Variants in CPPED1 observed in about 807,000 individuals in gnomAD.
CPPED1 encodes serine/threonine-protein phosphatase CPPED1.
CPPED1 carries 28 observed loss-of-function variants against 28.0 expected under a neutral mutation model. That is an observed-to-expected ratio of 1.00 (90% confidence interval 0.74 to 1.37). The LOEUF (loss-of-function observed/expected upper bound fraction) is 1.37. Ranked by LOEUF, CPPED1 falls within the 40% of genes most tolerant of loss-of-function variation. CPPED1 has a pLI of 0.00. For missense variants in CPPED1, 504 were observed against 416.5 expected (o/e 1.21, Z -1.83); for synonymous variants, 198 against 180.2 (o/e 1.10, Z -0.79).
chr16:12,780,596 G>A (rs530120219), intron 2 of CPPED1, among the ~76,000 whole-genome samples: 2 of 152,158 alleles, frequency 1.3e-5, no homozygotes, highest in South Asian at 4.2e-4. Context: ...ACGTAAATGA[G>A]GTCAACCCAG....
chr16:12,786,108 A>ACAG (rs1188049910), intron 1 of CPPED1, among the ~76,000 whole-genome samples: 5 of 152,216 alleles, frequency 3.3e-5, no homozygotes, highest in African/African-American at 1.2e-4. Flanking sequence ...GGGTTACCTG[A>ACAG]CAGCAGAAAG....
At chr16:12,742,229 A>G (rs2080259948) in intron 2 of CPPED1, among the ~76,000 whole-genome samples, 2 of 152,208 alleles carry the variant, frequency 1.3e-5, no homozygotes, top group African/African-American at 2.4e-5. Flanking sequence ...CACATAACCA[A>G]TAATAAGCTA....
intron 3 of CPPED1, among the ~76,000 whole-genome samples, chr16:12,669,445 A>G (rs2141165677): frequency 6.6e-6 from 1 of 152,274 alleles, no homozygotes; most frequent in South Asian, 2.1e-4. Flanking sequence ...AAAACGACTA[A>G]ATTTGATACT....
At chr16:12,755,715 C>T (rs572688603) in intron 2 of CPPED1, among the ~76,000 whole-genome samples, 3 of 152,322 alleles carry the variant, frequency 2.0e-5, no homozygotes, top group African/African-American at 7.2e-5. Context: ...AGGAAAACAG[C>T]TAGACACATT....
chr16:12,704,562 T>C, intron 3 of CPPED1, 62 bp downstream of exon 3: 15 of 1,496,620 alleles, frequency 1.0e-5, no homozygotes, highest in Non-Finnish European at 1.4e-5. Flanking sequence ...GGGAGAAAGA[T>C]CTGGAAATGC....
chr16:12,803,644 G>GT, intron 1 of CPPED1, 63 bp downstream of exon 1: 2 of 1,343,618 alleles, frequency 1.5e-6, no homozygotes, highest in South Asian at 3.2e-5. Context: ...TGAACAAAAG[G>GT]TTCCCCCGGC....
At chr16:12,675,535 GT>G (rs758244104) in intron 3 of CPPED1, among the ~76,000 whole-genome samples, 1 of 152,194 alleles carries the variant, frequency 6.6e-6, no homozygotes, top group Non-Finnish European at 1.5e-5. Context: ...ACTGTATAAT[GT>G]AATATTCTAA....
intron 3 of CPPED1, among the ~76,000 whole-genome samples, chr16:12,695,001 C>T (rs1162393554): frequency 1.3e-5 from 2 of 152,126 alleles, no homozygotes; most frequent in Non-Finnish European, 2.9e-5. Context: ...TGGTCTTGAA[C>T]TCCTGACCTC....
chr16:12,684,597 C>T (rs766547059), intron 3 of CPPED1, among the ~76,000 whole-genome samples: 5 of 152,312 alleles, frequency 3.3e-5, no homozygotes, highest in Non-Finnish European at 2.9e-5. Context: ...CCTGCTCATT[C>T]GTTTCCTCCA....
At chr16:12,699,978 CA>C (rs1414751237) in intron 3 of CPPED1, among the ~76,000 whole-genome samples, 1 of 152,190 alleles carries the variant, frequency 6.6e-6, no homozygotes, top group African/African-American at 2.4e-5. Flanking sequence ...TGGATGCGTA[CA>C]GCCAAGAGCG....
intron 2 of CPPED1, among the ~76,000 whole-genome samples, chr16:12,746,616 C>CT (rs144906316): frequency 1.3e-5 from 2 of 151,184 alleles, no homozygotes; most frequent in East Asian, 1.9e-4. Context: ...ACACAGAATC[C>CT]TTTTTTTTTC....
At chr16:12,718,378 A>C (rs996578707) in intron 2 of CPPED1, among the ~76,000 whole-genome samples, 2 of 151,946 alleles carry the variant, frequency 1.3e-5, no homozygotes, top group East Asian at 1.9e-4. Context: ...GTCTCTATTA[A>C]AAATACAAAA....
At chr16:12,718,870 G>C (rs2080122226) in intron 2 of CPPED1, among the ~76,000 whole-genome samples, 1 of 152,190 alleles carries the variant, frequency 6.6e-6, no homozygotes, top group Admixed American at 6.5e-5. Context: ...GGCTGAGGCA[G>C]GAGAATCATT....
At chr16:12,700,721 T>C (rs1157348506) in intron 3 of CPPED1, among the ~76,000 whole-genome samples, 1 of 152,162 alleles carries the variant, frequency 6.6e-6, no homozygotes, top group African/African-American at 2.4e-5. Flanking sequence ...ATTCCACAAA[T>C]ACTGATAAAA....
intron 2 of CPPED1, among the ~76,000 whole-genome samples, chr16:12,732,664 A>G (rs1241035954): frequency 1.3e-5 from 2 of 152,314 alleles, no homozygotes; most frequent in Non-Finnish European, 2.9e-5. Flanking sequence ...GTTTCATATA[A>G]AAGATCAACA....
At chr16:12,676,957 A>G (rs533565473) in intron 3 of CPPED1, among the ~76,000 whole-genome samples, 1 of 152,290 alleles carries the variant, frequency 6.6e-6, no homozygotes, top group South Asian at 2.1e-4. Flanking sequence ...TTGAAGCAGG[A>G]TCTGAACCCA....
intron 2 of CPPED1, among the ~76,000 whole-genome samples, chr16:12,712,760 G>A (rs1202066264): frequency 6.6e-6 from 1 of 152,098 alleles, no homozygotes; most frequent in African/African-American, 2.4e-5. Context: ...ATAAATCTAC[G>A]AGTTGGTATA....
intron 2 of CPPED1, among the ~76,000 whole-genome samples, chr16:12,713,365 T>A (rs1002272712): frequency 6.6e-6 from 1 of 152,140 alleles, no homozygotes; most frequent in East Asian, 1.9e-4. Context: ...TTTCTTCTTT[T>A]TTATTTTTTA....
intron 2 of CPPED1, among the ~76,000 whole-genome samples, chr16:12,742,976 C>CA (rs1478253224): frequency 6.6e-6 from 1 of 152,184 alleles, no homozygotes; most frequent in Admixed American, 6.6e-5. Flanking sequence ...GCTGTGACAA[C>CA]ATGTGTGGCA....
Sources: gnomAD v4.1 joint callset for allele counts (sites outside exome capture counted in the v4.1 genomes callset) on GRCh38, gnomAD v4.1.1 for gene constraint, MANE v1.5 for transcripts, NCBI Gene and HGNC (gene_info 2026-07-23, HGNC 2026-07-21) for gene names.